SLC35F3: variants seen among roughly 807,000 people sequenced by gnomAD.
SLC35F3 encodes the protein solute carrier family 35 member F3.
In SLC35F3, 25 loss-of-function variants were observed where a neutral mutation model predicts 49.9. That is an observed-to-expected ratio of 0.50 (90% CI 0.37 to 0.70). SLC35F3 has a LOEUF of 0.70. SLC35F3 is among the 30% of genes least tolerant of loss of function. The probability of loss-of-function intolerance (pLI) is 0.00; values close to 1 mark genes in which losing one functional copy is unlikely to be tolerated. For synonymous variants in SLC35F3, 275 were observed against 265.4 expected (o/e 1.04, Z -0.35); for missense variants, 525 against 639.8 (o/e 0.82, Z 1.94).
At position 234,183,546 on chromosome 1, in the gene SLC35F3, T is replaced by C. The variant is rs2102924757; in HGVS notation, c.284-47871T>C. On this transcript the variant is annotated intron_variant, in intron 2 of 7. Transcript: ENST00000366618. ...TCAGGACTTGACATGAAATAGACCTTCAGTGAGTGTATATGCATAAATACG... is the reference window on the plus strand; with the variant it reads ...TCAGGACTTGACATGAAATAGACCTCCAGTGAGTGTATATGCATAAATACG... Among the ~76,000 whole-genome samples, 2 of 143,030 alleles carry C rather than the reference T, an allele frequency of 1.4e-5. 1 individual carries two copies. The highest frequency in any genetic ancestry group is 4.9e-4 in the South Asian group (2 of 4,060). 93.8% of individuals were successfully genotyped at this position (143,030 alleles called of 152,430 possible).
At chr1:233,990,069 G>T (rs1342617865) in intron 2 of SLC35F3, among the ~76,000 whole-genome samples, 1 of 152,020 alleles carries the variant, frequency 6.6e-6, no homozygotes. Context: ...AAAAAATAAT[G>T]ATGTGTTATT....
chr1:234,226,571 A>C (rs932211050), intron 2 of SLC35F3, among the ~76,000 whole-genome samples: 2 of 144,344 alleles, frequency 1.4e-5, no homozygotes, highest in Non-Finnish European at 3.0e-5. Flanking sequence ...AAAAAAAAGC[A>C]CCCAATTCAT....
chr1:234,078,964 A>C (rs1268281309), intron 2 of SLC35F3, among the ~76,000 whole-genome samples: 1 of 152,210 alleles, frequency 6.6e-6, no homozygotes, highest in Non-Finnish European at 1.5e-5. Flanking sequence ...TCCAGAAAAA[A>C]ATCAAAAGCG....
chr1:234,084,816 G>A (rs199616900), intron 2 of SLC35F3, among the ~76,000 whole-genome samples: 1 of 150,352 alleles, frequency 6.7e-6, no homozygotes, highest in Non-Finnish European at 1.5e-5. Context: ...CTGACTGGAT[G>A]TATTGTAGTA....
At chr1:233,958,590 G>T (rs1172827643) in intron 2 of SLC35F3, among the ~76,000 whole-genome samples, 1 of 152,198 alleles carries the variant, frequency 6.6e-6, no homozygotes, top group Non-Finnish European at 1.5e-5. Flanking sequence ...GATCAAGAGA[G>T]GGGACAGCTT....
intron 2 of SLC35F3, among the ~76,000 whole-genome samples, chr1:233,905,967 C>G (rs1194976722): frequency 6.6e-6 from 1 of 152,158 alleles, no homozygotes; most frequent in Non-Finnish European, 1.5e-5. Flanking sequence ...TCTCTTACAC[C>G]CCTTCCTCTC....
chr1:234,239,659 T>A (rs1667523574), intron 3 of SLC35F3, among the ~76,000 whole-genome samples: 1 of 152,266 alleles, frequency 6.6e-6, no homozygotes, highest in South Asian at 2.1e-4. Flanking sequence ...GGGTCAGCGC[T>A]ATCTGTCCTT....
At chr1:234,152,800 C>T (rs1291961404) in intron 2 of SLC35F3, among the ~76,000 whole-genome samples, 2 of 152,140 alleles carry the variant, frequency 1.3e-5, no homozygotes, top group African/African-American at 4.8e-5. Context: ...GAAAAATCGC[C>T]ACACTGTCTT....
intron 2 of SLC35F3, among the ~76,000 whole-genome samples, chr1:234,035,438 G>A (rs1261406633): frequency 6.6e-6 from 1 of 152,050 alleles, no homozygotes; most frequent in Admixed American, 6.6e-5. Flanking sequence ...TGTAATTTCA[G>A]AATTATATGC....
intron 2 of SLC35F3, among the ~76,000 whole-genome samples, chr1:233,995,720 T>C (rs1270551850): frequency 6.6e-6 from 1 of 152,168 alleles, no homozygotes; most frequent in East Asian, 1.9e-4. Flanking sequence ...ACGTGTCTCA[T>C]GGCATGCATC....
At chr1:233,969,091 T>C (rs934961787) in intron 2 of SLC35F3, among the ~76,000 whole-genome samples, 4 of 151,272 alleles carry the variant, frequency 2.6e-5, no homozygotes, top group Non-Finnish European at 4.4e-5. Context: ...ACCCATAACA[T>C]AGAGTATACA....
chr1:234,256,685 A>G (rs370691375), intron 3 of SLC35F3, among the ~76,000 whole-genome samples: 61 of 152,374 alleles, frequency 4.0e-4, no homozygotes, highest in African/African-American at 1.4e-3. Context: ...CTCCACCATC[A>G]GATTATGCTA....
intron 2 of SLC35F3, among the ~76,000 whole-genome samples, chr1:233,932,163 AGAGG>A (rs2102794115): frequency 6.6e-6 from 1 of 152,180 alleles, no homozygotes; most frequent in South Asian, 2.1e-4. Flanking sequence ...GGGGGCTAGG[AGAGG>A]GAGAGCATTA....
intron 2 of SLC35F3, among the ~76,000 whole-genome samples, chr1:234,204,003 C>T (rs942075274): frequency 6.6e-6 from 1 of 152,138 alleles, no homozygotes; most frequent in Non-Finnish European, 1.5e-5. Context: ...CTGTCAAATG[C>T]ATGCCTTTTT....
intron 2 of SLC35F3, among the ~76,000 whole-genome samples, chr1:233,994,516 A>T (rs938412652): frequency 6.6e-6 from 1 of 152,154 alleles, no homozygotes; most frequent in East Asian, 1.9e-4. Flanking sequence ...TAAATGCTGG[A>T]TACTGGTTAA....
intron 2 of SLC35F3, among the ~76,000 whole-genome samples, chr1:234,212,328 G>A (rs1667056367): frequency 1.3e-5 from 2 of 152,188 alleles, no homozygotes; most frequent in Admixed American, 6.5e-5. Flanking sequence ...CCCCAGGAGT[G>A]TACAGATGCT....
At chr1:234,078,158 C>G (rs891756388) in intron 2 of SLC35F3, among the ~76,000 whole-genome samples, 2 of 152,166 alleles carry the variant, frequency 1.3e-5, no homozygotes, top group Non-Finnish European at 2.9e-5. Flanking sequence ...CATCTTTTTC[C>G]TTTAGGTTCC....
rs630578 is a variant in SLC35F3, at chr1:234,245,798, C to T, written c.608+14057C>T. Among the ~76,000 whole-genome samples, 1,053 of 152,316 alleles carry T rather than the reference C, an allele frequency of 6.9e-3. 11 individuals carry two copies. Among genetic ancestry groups the T allele is most frequent in the African/African-American group, 0.024 (997 of 41,548 alleles). On this transcript the variant is annotated intron_variant, in intron 3 of 7. Transcript: ENST00000366618. ...TCTTCTGATGGCCTGGGCTTCCTCA[C>T]AGGAGGGTGGTCCGTGGTAATCACA...
chr1:234,024,212 G>A (rs948486395), intron 2 of SLC35F3, among the ~76,000 whole-genome samples: 8 of 145,902 alleles, frequency 5.5e-5, no homozygotes, highest in African/African-American at 1.3e-4. Flanking sequence ...AAAAATAAAC[G>A]CTTCTGATAA....
Sources: allele counts gnomAD v4.1 joint callset (sites outside exome capture counted in the v4.1 genomes callset), GRCh38; gene constraint gnomAD v4.1.1; transcripts MANE v1.5; gene names NCBI Gene and HGNC (gene_info 2026-07-23, HGNC 2026-07-21).